The following BMAL1 variants were observed in gnomAD, a reference collection of about 807,000 sequenced individuals.
The protein encoded by BMAL1 is basic helix-loop-helix ARNT like 1.
At chr11:13,354,061 CG>C in the BMAL1 span, among the ~76,000 whole-genome samples, 1 of 152,048 alleles carries the variant, frequency 6.6e-6, no homozygotes, top group Admixed American at 6.6e-5. Flanking sequence ...GAAAAATGAG[CG>C]GGTGGGCTTA....
At chr11:13,353,674 C>T in the BMAL1 span, among the ~76,000 whole-genome samples, 33 of 152,080 alleles carry the variant, frequency 2.2e-4, no homozygotes, top group African/African-American at 7.2e-4. Flanking sequence ...AAATATTAGC[C>T]AGGTGTGGTG....
the BMAL1 span, among the ~76,000 whole-genome samples, chr11:13,315,923 G>A: frequency 4.4e-3 from 672 of 152,324 alleles, 7 homozygotes; most frequent in African/African-American, 0.016. Flanking sequence ...CACTGAGTGC[G>A]TGCATGGGGT....
the BMAL1 span, among the ~76,000 whole-genome samples, chr11:13,316,926 A>G: frequency 2.6e-4 from 39 of 152,176 alleles, no homozygotes; most frequent in Middle Eastern, 3.2e-3. Flanking sequence ...CACCTGCTTC[A>G]GAACATCAGC....
At chr11:13,317,229 T>C in the BMAL1 span, among the ~76,000 whole-genome samples, 2 of 152,256 alleles carry the variant, frequency 1.3e-5, no homozygotes, top group Admixed American at 1.3e-4. Context: ...GGAGATGGTA[T>C]ATAAGAAAAG....
At chr11:13,321,858 C>G in the BMAL1 span, among the ~76,000 whole-genome samples, 5 of 152,170 alleles carry the variant, frequency 3.3e-5, no homozygotes, top group East Asian at 9.6e-4. Context: ...GAGAGCCTGG[C>G]CTGGGAATCA....
the BMAL1 span, chr11:13,386,513 A>T: frequency 8.2e-6 from 11 of 1,339,294 alleles, no homozygotes; most frequent in African/African-American, 1.2e-4. Context: ...CTTTCTTATT[A>T]AAAATGTGCT....
chr11:13,352,932 C>T, the BMAL1 span, among the ~76,000 whole-genome samples: 4 of 152,246 alleles, frequency 2.6e-5, no homozygotes, highest in Non-Finnish European at 5.9e-5. Context: ...GGCTTGGAGT[C>T]AGAGTCCCTT....
chr11:13,280,651 G>GCTCC, the BMAL1 span, among the ~76,000 whole-genome samples: 1 of 152,198 alleles, frequency 6.6e-6, no homozygotes, highest in Non-Finnish European at 1.5e-5. Flanking sequence ...TTCGTTGGGA[G>GCTCC]CTAGGGACAC....
At chr11:13,377,703 T>A in the BMAL1 span, among the ~76,000 whole-genome samples, 1 of 152,232 alleles carries the variant, frequency 6.6e-6, no homozygotes, top group Non-Finnish European at 1.5e-5. Flanking sequence ...CATGATCGGA[T>A]TGGTACCTGC....
the BMAL1 span, among the ~76,000 whole-genome samples, chr11:13,370,058 A>G: frequency 6.6e-6 from 1 of 152,202 alleles, no homozygotes; most frequent in Non-Finnish European, 1.5e-5. Context: ...CTGCCTTATG[A>G]ACAGCCACCA....
At chr11:13,368,587 A>G in the BMAL1 span, among the ~76,000 whole-genome samples, 4 of 152,164 alleles carry the variant, frequency 2.6e-5, no homozygotes, top group Non-Finnish European at 4.4e-5. Flanking sequence ...GCCCAGAAGG[A>G]GCCCTGGGCA....
the BMAL1 span, among the ~76,000 whole-genome samples, chr11:13,319,824 C>T: frequency 1.3e-5 from 2 of 152,202 alleles, no homozygotes; most frequent in African/African-American, 4.8e-5. Flanking sequence ...AATACTGAGG[C>T]TGGGTCAGCA....
chr11:13,377,509 A>C, the BMAL1 span, among the ~76,000 whole-genome samples: 10 of 152,292 alleles, frequency 6.6e-5, no homozygotes, highest in African/African-American at 2.4e-4. Context: ...GATTATTGCA[A>C]ATCACTTCGC....
At chr11:13,381,585 A>C in the BMAL1 span, among the ~76,000 whole-genome samples, 4 of 152,178 alleles carry the variant, frequency 2.6e-5, no homozygotes, top group African/African-American at 9.7e-5. Flanking sequence ...AAAGTTTCTC[A>C]TTTTCTGCCA....
chr11:13,344,986 C>T, the BMAL1 span, among the ~76,000 whole-genome samples: 9 of 152,232 alleles, frequency 5.9e-5, no homozygotes, highest in Non-Finnish European at 1.0e-4. Flanking sequence ...TCAAGCACCC[C>T]TGCTGGGGAT....
the BMAL1 span, among the ~76,000 whole-genome samples, chr11:13,293,528 G>A: frequency 1.3e-5 from 2 of 152,224 alleles, no homozygotes; most frequent in African/African-American, 2.4e-5. Flanking sequence ...GGCCTGCCAT[G>A]GGTGTATTTG....
the BMAL1 span, among the ~76,000 whole-genome samples, chr11:13,341,780 T>G: frequency 6.6e-6 from 1 of 152,166 alleles, no homozygotes. Context: ...AAGAAAACAA[T>G]GAAAAGAAAC....
chr11:13,382,863 A>G, the BMAL1 span, among the ~76,000 whole-genome samples: 1 of 152,178 alleles, frequency 6.6e-6, no homozygotes, highest in African/African-American at 2.4e-5. Flanking sequence ...ATGGCTTCCA[A>G]TTCTTTTCAC....
the BMAL1 span, chr11:13,374,169 A>G: frequency 6.2e-7 from 1 of 1,613,962 alleles, no homozygotes; most frequent in Non-Finnish European, 8.5e-7. Context: ...CACCAAGATG[A>G]CATAGGACAT....
Sources: allele counts gnomAD v4.1 joint callset (sites outside exome capture counted in the v4.1 genomes callset), GRCh38; gene constraint gnomAD v4.1.1; transcripts MANE v1.5; gene names NCBI Gene and HGNC (gene_info 2026-07-23, HGNC 2026-07-21).